Variants in DPP10 observed in about 807,000 individuals in gnomAD.
The protein encoded by DPP10 is dipeptidyl peptidase like 10, also known as inactive dipeptidyl peptidase 10.
Under a neutral mutation model 120.9 loss-of-function variants are expected in DPP10, and 33 were observed. The ratio of observed to expected loss-of-function variants is 0.27; its 90% confidence interval spans 0.21 to 0.37. The LOEUF is 0.37. Among genes scored for constraint, DPP10 ranks in the 10% least tolerant of loss-of-function variants. The pLI is 1.00. For missense variants in DPP10, 816 were observed against 942.8 expected, an observed-to-expected ratio of 0.87 and a Z score of 1.76; for synonymous variants, 337 against 326.1, an observed-to-expected ratio of 1.03 and a Z score of -0.36.
intron 1 of DPP10, among the ~76,000 whole-genome samples, chr2:115,267,904 T>A (rs1389578019): frequency 6.6e-6 from 1 of 152,216 alleles, no homozygotes; most frequent in Admixed American, 6.5e-5. Flanking sequence ...CATTTCATAA[T>A]GCTCTACTGT....
intron 1 of DPP10, among the ~76,000 whole-genome samples, chr2:115,237,076 C>G (rs999358978): frequency 6.6e-6 from 1 of 152,052 alleles, no homozygotes; most frequent in Non-Finnish European, 1.5e-5. Flanking sequence ...AAGCTAAGCT[C>G]TATACAGACA....
At chr2:115,515,133 G>T (rs1389420199) in intron 4 of DPP10, among the ~76,000 whole-genome samples, 1 of 151,808 alleles carries the variant, frequency 6.6e-6, no homozygotes, top group African/African-American at 2.4e-5. Flanking sequence ...CTTGTATGAT[G>T]TATTACCACT....
intron 7 of DPP10, among the ~76,000 whole-genome samples, chr2:115,724,763 T>C (rs1420697863): frequency 6.6e-6 from 1 of 152,222 alleles, no homozygotes; most frequent in Non-Finnish European, 1.5e-5. Context: ...TTCAAGGTTC[T>C]GCAGGTTGTG....
chr2:115,608,188 G>A (rs888218439), intron 5 of DPP10, among the ~76,000 whole-genome samples: 7 of 152,038 alleles, frequency 4.6e-5, no homozygotes, highest in African/African-American at 1.7e-4. Context: ...AGGAGTTTAA[G>A]AGCAGTCTGG....
chr2:115,743,702 T>C (rs1011692185), intron 9 of DPP10, among the ~76,000 whole-genome samples: 12 of 151,178 alleles, frequency 7.9e-5, no homozygotes, highest in Non-Finnish European at 1.5e-4. Context: ...TCAAAATTTC[T>C]GATTTGTGAC....
At chr2:115,154,694 C>A (rs1364533215) in intron 1 of DPP10, among the ~76,000 whole-genome samples, 2 of 151,664 alleles carry the variant, frequency 1.3e-5, no homozygotes, top group Non-Finnish European at 2.9e-5. Context: ...CTGAGGCTCC[C>A]CCTACTTAGG....
At chr2:114,597,813 A>T (rs1412205533) in intron 1 of DPP10, among the ~76,000 whole-genome samples, 1 of 151,878 alleles carries the variant, frequency 6.6e-6, no homozygotes, top group African/African-American at 2.4e-5. Context: ...TGTCTTTGTC[A>T]CTTGCCTATA....
chr2:115,091,741 T>A (rs1709282513), intron 1 of DPP10, among the ~76,000 whole-genome samples: 1 of 152,206 alleles, frequency 6.6e-6, no homozygotes, highest in Non-Finnish European at 1.5e-5. Flanking sequence ...AAGACCCTCA[T>A]TTTGGTGTCC....
chr2:114,491,922 T>C (rs1426824064), intron 1 of DPP10, among the ~76,000 whole-genome samples: 2 of 152,170 alleles, frequency 1.3e-5, no homozygotes, highest in East Asian at 1.9e-4. Flanking sequence ...TTAGAATTCA[T>C]GGAAAACAGT....
At chr2:114,798,160 T>A (rs1054807002) in intron 1 of DPP10, among the ~76,000 whole-genome samples, 1 of 152,102 alleles carries the variant, frequency 6.6e-6, no homozygotes, top group Non-Finnish European at 1.5e-5. Flanking sequence ...GATAAGAAAG[T>A]GCCAGGTGGT....
intron 1 of DPP10, among the ~76,000 whole-genome samples, chr2:114,986,670 G>A (rs541724492): frequency 6.6e-6 from 1 of 152,278 alleles, no homozygotes; most frequent in South Asian, 2.1e-4. Flanking sequence ...CAAATAAATA[G>A]CATAATTAAA....
chr2:115,048,592 G>T (rs1298175292), intron 1 of DPP10, among the ~76,000 whole-genome samples: 1 of 152,018 alleles, frequency 6.6e-6, no homozygotes. Flanking sequence ...GAACTATTAT[G>T]ATCTGGGGTC....
intron 1 of DPP10, among the ~76,000 whole-genome samples, chr2:114,960,365 C>CATATAT (rs1558925348): frequency 3.2e-4 from 4 of 12,316 alleles, no homozygotes; most frequent in Non-Finnish European, 6.9e-4. Context: ...AGTGTATGTG[C>CATATAT]GTATATATAT....
At position 114,728,853 on chromosome 2, in the gene DPP10, A is replaced by G. The variant is rs1253382645; in HGVS notation, c.60+286015A>G. On this transcript the variant is annotated intron_variant, in intron 1 of 25. Transcript: ENST00000410059. ...AAAATCTGTTAGGTAGTAATGAATA[A>G]CTAAAACAAAGAAATGCTTTAAAAG... Among the ~76,000 whole-genome samples the G allele has an allele frequency of 4.6e-5, 7 of 152,336 alleles. No individual in the cohort carries two copies. The South Asian group carries it at 1.5e-3, about 32-fold the overall frequency.
intron 1 of DPP10, among the ~76,000 whole-genome samples, chr2:114,957,986 T>C (rs1385033684): frequency 1.1e-4 from 17 of 152,050 alleles, no homozygotes. Context: ...AAAGGGTATG[T>C]TAAAAGAAAA....
intron 21 of DPP10, among the ~76,000 whole-genome samples, chr2:115,829,659 T>G (rs1298230443): frequency 6.6e-6 from 1 of 152,156 alleles, no homozygotes; most frequent in Non-Finnish European, 1.5e-5. Flanking sequence ...TTTCTTTTAT[T>G]TCTTTTTTTA....
rs1228810389 is a variant in DPP10, at chr2:114,984,450, AG to A, written c.61-324788del. Among the ~76,000 whole-genome samples, 8 of 152,042 alleles carry A rather than the reference AG, an allele frequency of 5.3e-5. No individual in the cohort carries two copies. In the East Asian group the frequency reaches 1.6e-3, roughly 30 times the overall value. ...AAAGAATAAAAAAGGAAAAAAAAAA[AG>A]ATCAGAGCTGCAAGTCACTTGCATA... On this transcript the variant is annotated intron_variant, in intron 1 of 25. Transcript: ENST00000410059.
At chr2:114,658,970 T>C in intron 1 of DPP10, among the ~76,000 whole-genome samples, 1 of 152,288 alleles carries the variant, frequency 6.6e-6, no homozygotes, top group African/African-American at 2.4e-5. Flanking sequence ...GTTCTCGTGA[T>C]GGTGAGTAAG....
chr2:114,641,690 ACTATTC>A lies in DPP10; in HGVS notation c.60+198853_60+198858del, dbSNP rs1407919396. Reference sequence around the variant, plus strand: ...CTTTTAAAAGTCCAGATAAAAGCCCACTATTCAGTAGTTAGAATAATTCAGTGAAAT... The same window carrying A: ...CTTTTAAAAGTCCAGATAAAAGCCCAAGTAGTTAGAATAATTCAGTGAAAT... On this transcript the variant is annotated intron_variant, in intron 1 of 25. Coordinates refer to ENST00000410059, the MANE Select transcript of DPP10 (RefSeq NM_020868.6). Among the ~76,000 whole-genome samples the A allele has an allele frequency of 3.9e-5, 6 of 152,116 alleles. No individual in the cohort carries two copies. The East Asian group carries it at 1.2e-3, about 29-fold the overall frequency.
Sources: allele counts gnomAD v4.1 joint callset (sites outside exome capture counted in the v4.1 genomes callset), GRCh38; gene constraint gnomAD v4.1.1; transcripts MANE v1.5; gene names NCBI Gene and HGNC (gene_info 2026-07-23, HGNC 2026-07-21).